The following EEA1 variants were observed in gnomAD, a reference collection of about 807,000 sequenced individuals.
EEA1 encodes the protein early endosome antigen 1, 162kD.
Under a neutral mutation model 209.2 loss-of-function variants are expected in EEA1, and 111 were observed. The ratio of observed to expected loss-of-function variants is 0.53; its 90% CI spans 0.45 to 0.62. The LOEUF is 0.62. EEA1 is among the 20% of genes least tolerant of loss of function. EEA1 has a pLI of 0.00. For missense variants in EEA1, 1,343 were observed against 1,530.8 expected, an observed-to-expected ratio of 0.88 and a Z score of 2.05; for synonymous variants, 536 against 540.6, an observed-to-expected ratio of 0.99 and a Z score of 0.12.
At chr12:92,780,157 A>G (rs1023635543) in intron 24 of EEA1, 123 bp downstream of exon 24, 2 of 1,034,918 alleles carry the variant, frequency 1.9e-6, no homozygotes, top group Non-Finnish European at 2.7e-6. Context: ...TGTCAGAAAC[A>G]ACAGAACAAT....
At chr12:92,852,366 C>A in intron 7 of EEA1, 70 bp from the exon 8 acceptor site, 1 of 1,073,758 alleles carries the variant, frequency 9.3e-7, no homozygotes, top group East Asian at 2.9e-5. Flanking sequence ...ATATATTACT[C>A]TGCATATCTG....
chr12:92,816,156 G>T, intron 15 of EEA1, 44 bp downstream of exon 15: 1 of 1,514,204 alleles, frequency 6.6e-7, no homozygotes, highest in Non-Finnish European at 9.1e-7. Flanking sequence ...AACATTTGAC[G>T]GTCTAAAACT....
intron 2 of EEA1, among the ~76,000 whole-genome samples, chr12:92,879,712 C>T (rs1237204353): frequency 1.3e-5 from 2 of 152,162 alleles, no homozygotes; most frequent in Admixed American, 6.5e-5. Flanking sequence ...CTTACTCTCC[C>T]CAATTCTATT....
At chr12:92,859,301 T>C (rs1384520333) in intron 3 of EEA1, 2 of 1,497,124 alleles carry the variant, frequency 1.3e-6, no homozygotes, top group East Asian at 2.3e-5. Flanking sequence ...TTCCCCATAC[T>C]TGTTGGCAAA....
chr12:92,839,308 G>A (rs531848571), intron 10 of EEA1, among the ~76,000 whole-genome samples: 34 of 152,286 alleles, frequency 2.2e-4, no homozygotes, highest in Non-Finnish European at 4.7e-4. Context: ...AAATTTTAAT[G>A]TTACAGTGTA....
chr12:92,889,896 AG>A (rs1434521235), intron 2 of EEA1, among the ~76,000 whole-genome samples: 2 of 152,226 alleles, frequency 1.3e-5, no homozygotes, highest in Non-Finnish European at 2.9e-5. Context: ...TCTGGGCAAT[AG>A]AGTGAGACTC....
At chr12:92,874,892 T>C (rs1405290958) in intron 2 of EEA1, among the ~76,000 whole-genome samples, 1 of 152,232 alleles carries the variant, frequency 6.6e-6, no homozygotes, top group East Asian at 1.9e-4. Context: ...AATAAGGTGA[T>C]GGATACACTA....
Position 92,915,153 on chromosome 12 carries a change from C to CA in EEA1, c.24+13889dup, listed in dbSNP as rs370571320. Reference sequence around the variant, plus strand: ...TTATTATTAAGTACATCTCTCTACACAAAAAAGACCTAGAATCAAAATTTA... The same window carrying CA: ...TTATTATTAAGTACATCTCTCTACACAAAAAAAGACCTAGAATCAAAATTTA... On this transcript the variant is annotated intron_variant, in intron 1 of 28. Transcript: ENST00000322349. Among the ~76,000 whole-genome samples, 299 of 152,112 alleles carry CA rather than the reference C, an allele frequency of 2.0e-3. 1 individual carries two copies. Among genetic ancestry groups the CA allele is most frequent in the African/African-American group, 7.0e-3 (292 of 41,496 alleles).
In EEA1 at chr12:92,774,753, G is replaced by C. The variant is rs1026631473; in HGVS notation, c.*1258C>G. The C allele has an allele frequency of 6.6e-6, 1 of 151,522 alleles. No individual in the cohort carries two copies. The highest frequency in any genetic ancestry group is 2.4e-5 in the African/African-American group (1 of 41,382). The allele number at this position is 151,522 out of a possible 1,614,324, so 9.4% of individuals were successfully genotyped here. On this transcript the variant is annotated 3_prime_UTR_variant, in exon 29 of 29. Transcript: ENST00000322349. ...ATTTCTAGGTGTTAGTTACTTAAAG[G>C]GAATTTCACAACATTATTTTTGCAA...
At chr12:92,864,139 A>G (rs537502739) in intron 3 of EEA1, among the ~76,000 whole-genome samples, 5 of 152,136 alleles carry the variant, frequency 3.3e-5, no homozygotes, top group Non-Finnish European at 5.9e-5. Context: ...ATAGATCTAC[A>G]TTATCTATCA....
At chr12:92,842,657 G>A (rs1877220514) in intron 9 of EEA1, 76 bp from the exon 10 acceptor site, 7 of 921,648 alleles carry the variant, frequency 7.6e-6, no homozygotes, top group African/African-American at 5.2e-5. Flanking sequence ...AGTATATAAA[G>A]GTTTTAAGAA....
At chr12:92,821,879 C>T (rs1876068557) in intron 13 of EEA1, among the ~76,000 whole-genome samples, 1 of 149,482 alleles carries the variant, frequency 6.7e-6, no homozygotes, top group African/African-American at 2.4e-5. Context: ...TAATATAAAT[C>T]TATATTATTA....
intron 18 of EEA1, among the ~76,000 whole-genome samples, chr12:92,807,762 A>G (rs1875285713): frequency 6.6e-6 from 1 of 152,176 alleles, no homozygotes; most frequent in African/African-American, 2.4e-5. Context: ...TACTGCTCAG[A>G]GAAATTAAAG....
chr12:92,819,591 A>C, intron 13 of EEA1, 80 bp from the exon 14 acceptor site: 1 of 1,004,332 alleles, frequency 1.0e-6, no homozygotes, highest in East Asian at 2.7e-5. Flanking sequence ...ACTAATAATA[A>C]ATTCTATCAC....
intron 3 of EEA1, among the ~76,000 whole-genome samples, chr12:92,862,597 G>C (rs1878202050): frequency 6.6e-6 from 1 of 151,134 alleles, no homozygotes; most frequent in Non-Finnish European, 1.5e-5. Context: ...AAAAAAAAAA[G>C]AAAAAAGAAT....
chr12:92,912,197 T>C (rs1880605606), intron 1 of EEA1, among the ~76,000 whole-genome samples: 2 of 152,208 alleles, frequency 1.3e-5, no homozygotes, highest in African/African-American at 2.4e-5. Context: ...CTTATTTATA[T>C]TTCCTCTTGC....
intron 2 of EEA1, among the ~76,000 whole-genome samples, chr12:92,866,643 A>G (rs181138987): frequency 1.6e-4 from 24 of 152,262 alleles, no homozygotes; most frequent in Admixed American, 5.9e-4. Context: ...TAACAATGCA[A>G]TGGTTTTAGC....
At chr12:92,899,370 G>A (rs1880060617) in intron 1 of EEA1, among the ~76,000 whole-genome samples, 1 of 152,236 alleles carries the variant, frequency 6.6e-6, no homozygotes, top group African/African-American at 2.4e-5. Flanking sequence ...TAGAGAGGCT[G>A]CACTTTATTG....
At chr12:92,847,645 C>T (rs1278414944) in intron 9 of EEA1, among the ~76,000 whole-genome samples, 1 of 151,982 alleles carries the variant, frequency 6.6e-6, no homozygotes, top group African/African-American at 2.4e-5. Context: ...ATTAATAGCA[C>T]AAATTTACTT....
Sources: gnomAD v4.1 joint callset for allele counts (sites outside exome capture counted in the v4.1 genomes callset) on GRCh38, gnomAD v4.1.1 for gene constraint, MANE v1.5 for transcripts, NCBI Gene and HGNC (gene_info 2026-07-23, HGNC 2026-07-21) for gene names.